The following AKT3 variants were observed in gnomAD, a reference collection of about 807,000 sequenced individuals.
AKT3 encodes the protein AKT serine/threonine kinase 3.
A neutral mutation model predicts 65.3 loss-of-function variants in AKT3; 15 were observed. The ratio of observed to expected loss-of-function variants is 0.23; its 90% CI spans 0.15 to 0.35. The LOEUF is 0.35. Among genes scored for constraint, AKT3 ranks in the 10% least tolerant of loss-of-function variants. AKT3 has a pLI of 1.00. For missense variants in AKT3, 243 were observed against 576.5 expected (o/e 0.42, Z 5.92); for synonymous variants, 206 against 183.8 (o/e 1.12, Z -0.98).
At chr1:243,828,253 T>C (rs568196481) in intron 2 of AKT3, among the ~76,000 whole-genome samples, 5 of 152,292 alleles carry the variant, frequency 3.3e-5, no homozygotes, top group Admixed American at 3.3e-4. Flanking sequence ...TAAGAGCTAA[T>C]CACACATTAT....
At chr1:243,802,093 T>C (rs557761865) in intron 2 of AKT3, among the ~76,000 whole-genome samples, 1 of 152,326 alleles carries the variant, frequency 6.6e-6, no homozygotes, top group South Asian at 2.1e-4. Flanking sequence ...ATACCCGGCT[T>C]GACTGTAGGA....
rs1442411108 is a variant in AKT3 at position 243,502,620 on chromosome 1, G to C, written c.*2629C>G. ...AAGTTTTAGAAATCTCCCTCTACAC[G>C]CATTTCTGGTTTTCTATTATTCCTC... On this transcript the variant is annotated 3_prime_UTR_variant, in exon 14 of 14. Coordinates refer to ENST00000673466, the MANE Select transcript of AKT3 (RefSeq NM_005465.7). 2 of 232,974 alleles carry C rather than the reference G, an allele frequency of 8.6e-6. No homozygotes were observed. Among genetic ancestry groups the C allele is most frequent in the Non-Finnish European group, 1.7e-5 (2 of 117,966 alleles). The allele number at this position is 232,974 out of a possible 1,614,324, so 14.4% of individuals were successfully genotyped here. A position where few individuals can be genotyped will look rare whatever the true frequency, so the allele number is the denominator to read the frequency against.
intron 3 of AKT3, among the ~76,000 whole-genome samples, chr1:243,684,500 T>C (rs937903191): frequency 2.0e-5 from 3 of 152,230 alleles, no homozygotes; most frequent in East Asian, 3.8e-4. Context: ...TCCTTTCTTA[T>C]GGCTGCATAG....
intron 2 of AKT3, among the ~76,000 whole-genome samples, chr1:243,769,831 T>C (rs566801206): frequency 1.3e-5 from 2 of 152,344 alleles, no homozygotes; most frequent in South Asian, 4.1e-4. Flanking sequence ...TGATGAAGTA[T>C]ACTTTCTTTT....
chr1:243,836,681 C>A (rs1054138361), intron 2 of AKT3, among the ~76,000 whole-genome samples: 2 of 151,858 alleles, frequency 1.3e-5, no homozygotes, highest in African/African-American at 4.8e-5. Flanking sequence ...AAGGCCAAGG[C>A]GGGTGGATCA....
chr1:243,621,322 T>C (rs1311947010), intron 6 of AKT3, among the ~76,000 whole-genome samples: 1 of 152,226 alleles, frequency 6.6e-6, no homozygotes, highest in East Asian at 1.9e-4. Flanking sequence ...TTAACACATT[T>C]GATCACTCCT....
At chr1:243,634,457 C>A (rs528119805) in intron 6 of AKT3, among the ~76,000 whole-genome samples, 52 of 151,856 alleles carry the variant, frequency 3.4e-4, no homozygotes, top group African/African-American at 1.2e-3. Context: ...AAATTAACAA[C>A]AATAATAAAA....
intron 3 of AKT3, among the ~76,000 whole-genome samples, chr1:243,666,633 T>C (rs893156413): frequency 2.6e-5 from 4 of 152,210 alleles, no homozygotes; most frequent in African/African-American, 9.6e-5. Flanking sequence ...CTGGTACTAT[T>C]TGTCATTACA....
At chr1:243,606,528 T>TCCA (rs1457416914) in intron 8 of AKT3, among the ~76,000 whole-genome samples, 1 of 152,194 alleles carries the variant, frequency 6.6e-6, no homozygotes, top group Non-Finnish European at 1.5e-5. Context: ...TTTGGGGGTA[T>TCCA]CTGGTGGAGG....
intron 4 of AKT3, among the ~76,000 whole-genome samples, chr1:243,659,024 T>TG (rs780269535): frequency 1.3e-5 from 2 of 151,208 alleles, no homozygotes. Context: ...AGCAAGACCT[T>TG]GTCTCAAAAA....
At position 243,739,384 on chromosome 1, in the gene AKT3, A is replaced by C. The variant is rs577126063; in HGVS notation, c.47-43668T>G. Reference sequence around the variant, plus strand: ...ATAATATAGGTCAATTCGCACTCTAAATTTTCAATAACTTATGTGAAATGT... The same window carrying C: ...ATAATATAGGTCAATTCGCACTCTACATTTTCAATAACTTATGTGAAATGT... On this transcript the variant is annotated intron_variant, in intron 2 of 13. Transcript: ENST00000673466. The C allele has an allele frequency of 2.6e-4, 40 of 152,306 alleles. No homozygotes were observed. In the East Asian group the frequency reaches 7.7e-3, roughly 29 times the overall value. The allele number at this position is 152,306 out of a possible 1,614,324, so 9.4% of individuals were successfully genotyped here.
At chr1:243,558,763 T>C (rs1673579147) in intron 10 of AKT3, among the ~76,000 whole-genome samples, 1 of 152,092 alleles carries the variant, frequency 6.6e-6, no homozygotes, top group Non-Finnish European at 1.5e-5. Context: ...CATCTGCCTC[T>C]TTTTAGCATG....
At chr1:243,716,488 T>A (rs1287462481) in intron 2 of AKT3, among the ~76,000 whole-genome samples, 1 of 152,180 alleles carries the variant, frequency 6.6e-6, no homozygotes, top group East Asian at 1.9e-4. Flanking sequence ...AATAATGCAG[T>A]GGTCTATTGA....
intron 13 of AKT3, among the ~76,000 whole-genome samples, chr1:243,506,538 G>T (rs915802304): frequency 1.3e-5 from 2 of 152,232 alleles, no homozygotes. Context: ...TTTGTCTGAA[G>T]AATAAACACT....
chr1:243,499,659 GT>G, downstream of AKT3: 1 of 1,008,926 alleles, frequency 9.9e-7, no homozygotes, highest in Non-Finnish European at 1.6e-6. Context: ...TCCAACAACA[GT>G]TTTCATCATA....
intron 2 of AKT3, among the ~76,000 whole-genome samples, chr1:243,729,064 C>T (rs552273566): frequency 2.0e-5 from 3 of 152,018 alleles, no homozygotes; most frequent in African/African-American, 4.8e-5. Context: ...AATGTTCACG[C>T]GGATGTCAAT....
chr1:243,765,880 CTACCAAGG>C (rs1341912189), intron 2 of AKT3, among the ~76,000 whole-genome samples: 1 of 152,170 alleles, frequency 6.6e-6, no homozygotes, highest in East Asian at 1.9e-4. Flanking sequence ...CTCTTTGCAG[CTACCAAGG>C]TTTTTACCTA....
rs559399053 is a variant in AKT3 at position 243,760,277 on chromosome 1, T to C, written c.47-64561A>G. ...GGGACTACAGGCATGTACCTCTATATCTGGCTTTTTTTTTTTTTTTTTTTT... is the reference window on the plus strand; with the variant it reads ...GGGACTACAGGCATGTACCTCTATACCTGGCTTTTTTTTTTTTTTTTTTTT... On this transcript the variant is annotated intron_variant, in intron 2 of 13. Coordinates refer to ENST00000673466, the MANE Select transcript of AKT3 (RefSeq NM_005465.7). 3.6e-3 allele frequency among the ~76,000 whole-genome samples: 450 copies of C among 123,316 alleles called. 1 individual carries two copies. Among genetic ancestry groups the C allele is most frequent in the African/African-American group, 0.013 (438 of 34,224 alleles). The allele number at this position is 123,316 out of a possible 152,430, so 80.9% of individuals were successfully genotyped here.
chr1:243,528,095 A>AC (rs1671280217), intron 12 of AKT3, among the ~76,000 whole-genome samples: 1 of 151,932 alleles, frequency 6.6e-6, no homozygotes, highest in Non-Finnish European at 1.5e-5. Context: ...AGGGTATCCC[A>AC]CCTCCTTTCT....
Sources: gnomAD v4.1 joint callset for allele counts (sites outside exome capture counted in the v4.1 genomes callset) on GRCh38, gnomAD v4.1.1 for gene constraint, MANE v1.5 for transcripts, NCBI Gene and HGNC (gene_info 2026-07-23, HGNC 2026-07-21) for gene names.